Variants in LPL observed in about 807,000 individuals in gnomAD.
LPL encodes the protein phospholipase A1.
A neutral mutation model predicts 52.2 loss-of-function variants in LPL; 43 were observed. The ratio of observed to expected loss-of-function variants is 0.82; its 90% CI spans 0.64 to 1.06. The LOEUF is 1.06. LPL is among the 50% of genes least tolerant of loss of function. LPL has a pLI of 0.00. For missense variants in LPL, 639 were observed against 585.3 expected (o/e 1.09, Z -0.95); for synonymous variants, 244 against 215.6 (o/e 1.13, Z -1.15).
In LPL at chr8:19,956,055, G is replaced by A. The variant is rs2069982748; in HGVS notation, c.990G>A (p.Leu330=). 6.2e-7 allele frequency: 1 copy of A among 1,614,070 alleles called. No homozygotes were observed. The highest frequency in any genetic ancestry group is 1.3e-5 in the African/African-American group (1 of 74,924). The change falls in exon 6 of 10, where the codon CTG becomes CTA. Residue 330 remains leucine (L), a synonymous_variant. Transcript: ENST00000650287. ...VRAKRSSKMY[L]KTRSQMPYKV... The stretch of plus-strand genomic sequence containing the variant: ...CCAAAAGAAGCAGCAAAATGTACCT[G>A]AAGACTCGTTCTCAGATGCCCTACA...
At chr8:19,952,893 C>T (rs956651719) in intron 3 of LPL, among the ~76,000 whole-genome samples, 1 of 152,142 alleles carries the variant, frequency 6.6e-6, no homozygotes, top group African/African-American at 2.4e-5. Flanking sequence ...CAAACATACA[C>T]ACATATACAT....
intron 6 of LPL, 136 bp from the exon 7 acceptor site, chr8:19,959,124 A>T: frequency 9.8e-7 from 1 of 1,022,592 alleles, no homozygotes; most frequent in Non-Finnish European, 1.5e-6. Context: ...TCCAAGCCAC[A>T]CCAGTGGTTC....
Position 19,962,132 on chromosome 8 carries a change from G to T in LPL, c.1340G>T (p.Arg447Met). 6.2e-7 allele frequency: 1 copy of T among 1,613,122 alleles called. No individual in the cohort carries two copies. Among genetic ancestry groups the T allele is most frequent in the Non-Finnish European group, 8.5e-7 (1 of 1,179,166 alleles). The change falls in exon 9 of 10, where the codon AGG becomes ATG. Residue 447 changes from arginine (R) to methionine (M), a missense_variant. By Grantham distance (91) the Arg-to-Met change is moderately conservative. Transcript: ENST00000650287. Reference sequence around the variant, plus strand: ...TTCCACAGGGTGATCTTCTGTTCTAGGGAGAAAGTGTCTCATTTGCAGAAA... The same window carrying T: ...TTCCACAGGGTGATCTTCTGTTCTATGGAGAAAGTGTCTCATTTGCAGAAA... ...ETQKKVIFCS[R>M]EKVSHLQKGK...
chr8:19,966,830 C>A lies in LPL; in HGVS notation c.*1520C>A, dbSNP rs1053039485. The stretch of plus-strand genomic sequence containing the variant: ...TCATCAGGCTTGGAATGAATTCTCT[C>A]TAAAAATAAAATGATGTATGATTTG... On this transcript the variant is annotated 3_prime_UTR_variant, in exon 10 of 10. Transcript: ENST00000650287. The A allele has an allele frequency of 2.0e-5, 3 of 152,264 alleles. No homozygotes were observed. Among genetic ancestry groups the A allele is most frequent in the African/African-American group, 7.2e-5 (3 of 41,432 alleles). The allele number at this position is 152,264 out of a possible 1,614,324, so 9.4% of individuals were successfully genotyped here.
chr8:19,947,945 A>G (rs1350928832), intron 1 of LPL, among the ~76,000 whole-genome samples: 1 of 152,200 alleles, frequency 6.6e-6, no homozygotes, highest in East Asian at 1.9e-4. Flanking sequence ...AGGCTGGAAG[A>G]CTTAGGAGAG....
In LPL at chr8:19,951,882, C is replaced by T. The variant is rs2069937612; in HGVS notation, c.363C>T (p.Tyr121=). 2 of 1,614,100 alleles carry T rather than the reference C, an allele frequency of 1.2e-6. No individual in the cohort carries two copies. Among genetic ancestry groups the T allele is most frequent in the South Asian group, 2.2e-5 (2 of 91,084 alleles). The stretch of plus-strand genomic sequence containing the variant: ...GGCTGTCACGGGCTCAGGAGCATTA[C>T]CCAGTGTCCGCGGGCTACACCAAAC... The part of the protein sequence containing the change: ...VDWLSRAQEH[Y]PVSAGYTKLV... The change falls in exon 3 of 10, where the codon TAC becomes TAT. Residue 121 remains tyrosine, a synonymous_variant. Transcript: ENST00000650287.
At chr8:19,955,398 G>A (rs1369064532) in intron 5 of LPL, among the ~76,000 whole-genome samples, 2 of 152,112 alleles carry the variant, frequency 1.3e-5, no homozygotes, top group African/African-American at 2.4e-5. Context: ...ACATTATGAT[G>A]GGTTTTGGGG....
chr8:19,960,102 T>G (rs1590147353), intron 7 of LPL, among the ~76,000 whole-genome samples: 1 of 151,438 alleles, frequency 6.6e-6, no homozygotes, highest in African/African-American at 2.4e-5. Flanking sequence ...CCTTTACTAC[T>G]AATCAAAGAA....
intron 9 of LPL, among the ~76,000 whole-genome samples, chr8:19,964,129 T>G (rs920988039): frequency 6.6e-6 from 1 of 152,138 alleles, no homozygotes; most frequent in Non-Finnish European, 1.5e-5. Flanking sequence ...ATTTCGTATT[T>G]TTAGTAGAGA....
intron 1 of LPL, among the ~76,000 whole-genome samples, chr8:19,942,455 A>C (rs1003776040): frequency 3.3e-5 from 5 of 152,222 alleles, no homozygotes; most frequent in Admixed American, 2.6e-4. Context: ...GGATTTACTA[A>C]TAAGGTAAAT....
intron 2 of LPL, among the ~76,000 whole-genome samples, chr8:19,949,359 C>T (rs1313213910): frequency 6.6e-6 from 1 of 152,142 alleles, no homozygotes; most frequent in Non-Finnish European, 1.5e-5. Context: ...ACAGAATTCA[C>T]ACAGATGTTT....
rs765911510 is a variant in LPL, at chr8:19,939,980, C to T, written c.88+452C>T. On this transcript the variant is annotated intron_variant, in intron 1 of 9. Transcript: ENST00000650287. The surrounding 1 kb of genome is among the most constrained non-coding windows in gnomAD (Gnocchi z 4.0). ...GCCTTGGTTGGCACTGCGGCTCAGC[C>T]CCCGCCCGGGGACTCGCGGGCCGAC... is the stretch of plus-strand genomic sequence containing the variant. Among the ~76,000 whole-genome samples, 1 of 152,192 alleles carries T rather than the reference C, an allele frequency of 6.6e-6. No individual in the cohort carries two copies. The highest frequency in any genetic ancestry group is 1.5e-5 in the Non-Finnish European group (1 of 68,036).
At chr8:19,947,154 A>C (rs2128836734) in intron 1 of LPL, among the ~76,000 whole-genome samples, 1 of 152,332 alleles carries the variant, frequency 6.6e-6, no homozygotes, top group East Asian at 1.9e-4. Context: ...ACAGTTTCAT[A>C]CAAAAGCCTC....
At position 19,959,364 on chromosome 8, in the gene LPL, A is replaced by G. The variant is rs780133524; in HGVS notation, c.1123A>G (p.Asn375Asp). Residue 375 changes from asparagine (N) to aspartate (D), a missense_variant, in exon 7 of 10, where the codon AAC becomes GAC. Asn to Asp is a conservative substitution (Grantham distance 23). Coordinates refer to ENST00000650287, the MANE Select transcript of LPL (RefSeq NM_000237.3). The part of the protein sequence containing the change: ...SLYGTVAESE[N>D]IPFTLPEVST... ...GTATGGCACCGTGGCCGAGAGTGAGAACATCCCATTCACTCTGTGAGTAGC... is the reference window on the plus strand; with the variant it reads ...GTATGGCACCGTGGCCGAGAGTGAGGACATCCCATTCACTCTGTGAGTAGC... 6.6e-5 allele frequency: 106 copies of G among 1,614,102 alleles called. No individual in the cohort carries two copies. Among genetic ancestry groups the G allele is most frequent in the Non-Finnish European group, 8.4e-5 (99 of 1,180,006 alleles).
chr8:19,941,913 T>C (rs916819888), intron 1 of LPL, among the ~76,000 whole-genome samples: 9 of 152,120 alleles, frequency 5.9e-5, no homozygotes, highest in Admixed American at 1.3e-4. Context: ...ATGGCCCCAA[T>C]TAGGAAACGT....
At chr8:19,953,252 C>A (rs1043637503) in intron 3 of LPL, 58 bp from the exon 4 acceptor site, 5 of 1,013,326 alleles carry the variant, frequency 4.9e-6, no homozygotes, top group East Asian at 2.4e-5. Context: ...CATTTTGTTT[C>A]TTTTAGTTTT....
chr8:19,941,424 G>C (rs1457666845), intron 1 of LPL, among the ~76,000 whole-genome samples: 2 of 152,168 alleles, frequency 1.3e-5, no homozygotes, highest in African/African-American at 4.8e-5. Flanking sequence ...AAATTCTTGG[G>C]AGTCAGTGTC....
chr8:19,945,561 A>G (rs555886371), intron 1 of LPL, among the ~76,000 whole-genome samples: 2 of 152,332 alleles, frequency 1.3e-5, no homozygotes, highest in South Asian at 4.1e-4. Flanking sequence ...TCTGGACCCA[A>G]CAGAGGGAAA....
rs565989499 is a variant in LPL at position 19,950,796 on chromosome 8, T to C, written c.250-973T>C. 8.2e-5 allele frequency among the ~76,000 whole-genome samples: 12 copies of C among 147,224 alleles called. No individual in the cohort carries two copies. Among genetic ancestry groups the C allele is most frequent in the Admixed American group, 1.4e-4 (2 of 14,432 alleles). On this transcript the variant is annotated intron_variant, in intron 2 of 9. Transcript: ENST00000650287. This position sits in a 1 kb window ranked among gnomAD's most constrained non-coding sequence, Gnocchi z 4.2. ...TCCAGCCTGGGCGAGACAGTAAGAC[T>C]CTGCCAAAAGAAAGGAAAGAAAGGA...
Sources: gnomAD v4.1 joint callset for allele counts (sites outside exome capture counted in the v4.1 genomes callset) on GRCh38, gnomAD v4.1.1 for gene constraint, Gnocchi (gnomAD v3.1) non-coding constraint, MANE v1.5 for transcripts, NCBI Gene and HGNC (gene_info 2026-07-23, HGNC 2026-07-21) for gene names.